The following PREX1 variants were observed in gnomAD, a reference collection of about 807,000 sequenced individuals.
The protein encoded by PREX1 is phosphatidylinositol 3,4,5-trisphosphate-dependent Rac exchanger 1 protein.
Under a neutral mutation model 198.3 loss-of-function variants are expected in PREX1, and 41 were observed. The ratio of observed to expected loss-of-function variants is 0.21; its 90% CI spans 0.16 to 0.27. PREX1 has a LOEUF of 0.27. Ranked by LOEUF, PREX1 falls within the 10% of genes least tolerant of loss-of-function variation. The pLI is 1.00. For synonymous variants in PREX1, 843 were observed against 887.2 expected, an observed-to-expected ratio of 0.95 and a Z score of 0.89; for missense variants, 1,620 against 2,200.7, an observed-to-expected ratio of 0.74 and a Z score of 5.28.
At chr20:48,817,334 C>G (rs1400630622) in intron 1 of PREX1, among the ~76,000 whole-genome samples, 1 of 152,192 alleles carries the variant, frequency 6.6e-6, no homozygotes, top group African/African-American at 2.4e-5. Context: ...AATTCAGTCA[C>G]TTATTTCAAG....
the PREX1 span, among the ~76,000 whole-genome samples, chr20:48,879,843 C>T: frequency 6.6e-6 from 1 of 152,202 alleles, no homozygotes; most frequent in Non-Finnish European, 1.5e-5. Flanking sequence ...AGAGCCTCTA[C>T]CCTTATTTCT....
At chr20:48,634,136 A>ATGGG (rs1226085591) in intron 33 of PREX1, among the ~76,000 whole-genome samples, 8,754 of 147,214 alleles carry the variant, frequency 0.059, 403 homozygotes, top group East Asian at 0.1. Flanking sequence ...GCATGGACAC[A>ATGGG]TGGGTGGGTG....
At chr20:48,675,391 A>G (rs1390124164) in intron 14 of PREX1, among the ~76,000 whole-genome samples, 2 of 152,252 alleles carry the variant, frequency 1.3e-5, no homozygotes, top group Admixed American at 6.5e-5. Flanking sequence ...ATTTTGTTAT[A>G]GCAGCACAAA....
At chr20:48,669,418 T>C (rs531504832) in intron 14 of PREX1, among the ~76,000 whole-genome samples, 3 of 152,164 alleles carry the variant, frequency 2.0e-5, no homozygotes, top group Admixed American at 2.0e-4. Context: ...AACTCACCCA[T>C]GTATACATTT....
Position 48,697,450 on chromosome 20 carries a change from A to G in PREX1, c.917+3303T>C, listed in dbSNP as rs1177639834. Among the ~76,000 whole-genome samples, 3 of 150,028 alleles carry G rather than the reference A, an allele frequency of 2.0e-5. No homozygotes were observed. The Admixed American group carries it at 2.0e-4, about 10-fold the overall frequency. The stretch of plus-strand genomic sequence containing the variant: ...GGCTGGAGTGCAGCGGTGCCACCTC[A>G]GCTCACTGCAACCTCCGCCTCCTGG... On this transcript the variant is annotated intron_variant, in intron 7 of 39. Coordinates refer to ENST00000371941, the MANE Select transcript of PREX1 (RefSeq NM_020820.4).
the PREX1 span, among the ~76,000 whole-genome samples, chr20:48,862,192 G>C: frequency 1.3e-5 from 2 of 152,076 alleles, no homozygotes; most frequent in Non-Finnish European, 2.9e-5. Context: ...CTGGGCGACA[G>C]AGCGAGACTC....
chr20:48,676,409 GC>G, intron 13 of PREX1, 141 bp from the exon 14 acceptor site: 1 of 742,014 alleles, frequency 1.3e-6, no homozygotes, highest in South Asian at 1.6e-5. Flanking sequence ...CCGAGTCTCA[GC>G]CCAGACTCCA....
intron 15 of PREX1, among the ~76,000 whole-genome samples, chr20:48,665,797 C>T (rs1283058060): frequency 6.6e-6 from 1 of 152,176 alleles, no homozygotes; most frequent in Non-Finnish European, 1.5e-5. Context: ...GAACTCACCC[C>T]CCAATACCTG....
At chr20:48,793,362 GCTT>G (rs1299296698) in intron 1 of PREX1, among the ~76,000 whole-genome samples, 1 of 152,192 alleles carries the variant, frequency 6.6e-6, no homozygotes, top group Non-Finnish European at 1.5e-5. Flanking sequence ...AGTTACACAA[GCTT>G]CTGAATATAC....
chr20:48,676,593 T>C (rs191791745), intron 13 of PREX1, among the ~76,000 whole-genome samples: 364 of 152,278 alleles, frequency 2.4e-3, no homozygotes, highest in Non-Finnish European at 4.3e-3. Flanking sequence ...GGAGACATTT[T>C]TGGCTGTCAA....
intron 30 of PREX1, among the ~76,000 whole-genome samples, chr20:48,638,664 A>G (rs2089384877): frequency 6.6e-6 from 1 of 151,708 alleles, no homozygotes. Context: ...TCACCACGCC[A>G]GGCAGCCAGG....
At position 48,658,105 on chromosome 20, in the gene PREX1, C is replaced by T. The variant is rs777093236; in HGVS notation, c.1974+31G>A. 34 of 1,596,462 alleles carry T rather than the reference C, an allele frequency of 2.1e-5. No homozygotes were observed. The Admixed American group carries it at 2.4e-4, about 11-fold the overall frequency. On this transcript the variant is annotated intron_variant, in intron 17 of 39. Transcript: ENST00000371941. Reference sequence around the variant, plus strand: ...GACACCCCGCTCTGCCACCTGCACACGGTCCCTGCCAGCTCCCCCGAGGGC... The same window carrying T: ...GACACCCCGCTCTGCCACCTGCACATGGTCCCTGCCAGCTCCCCCGAGGGC...
chr20:48,814,016 A>G (rs899716202), intron 1 of PREX1, among the ~76,000 whole-genome samples: 8 of 152,200 alleles, frequency 5.3e-5, no homozygotes, highest in Non-Finnish European at 8.8e-5. Context: ...GACCACCCAG[A>G]GCTCCCTGAC....
intron 1 of PREX1, among the ~76,000 whole-genome samples, chr20:48,785,267 G>A (rs1159680360): frequency 6.6e-6 from 1 of 152,218 alleles, no homozygotes; most frequent in Non-Finnish European, 1.5e-5. Flanking sequence ...TGATCTGCCT[G>A]TCAGCCTACT....
chr20:48,676,626 G>C (rs2089711270), intron 13 of PREX1, among the ~76,000 whole-genome samples: 1 of 152,186 alleles, frequency 6.6e-6, no homozygotes, highest in South Asian at 2.1e-4. Flanking sequence ...CTAGGGCAGG[G>C]GTGCTGCTGG....
chr20:48,692,184 C>T (rs1195707594), intron 8 of PREX1: 1 of 154,242 alleles, frequency 6.5e-6, no homozygotes, highest in Non-Finnish European at 1.4e-5. Context: ...GCCACCACAC[C>T]CAGCCGACCA....
the PREX1 span, among the ~76,000 whole-genome samples, chr20:48,878,424 C>T: frequency 6.6e-6 from 1 of 152,064 alleles, no homozygotes; most frequent in South Asian, 2.1e-4. Context: ...ACTGAAACCT[C>T]CACCTCCCTG....
intron 9 of PREX1, among the ~76,000 whole-genome samples, chr20:48,689,339 C>T (rs184469645): frequency 9.9e-5 from 15 of 152,082 alleles, no homozygotes; most frequent in East Asian, 1.9e-4. Flanking sequence ...CATGCCAGTA[C>T]GCCACATGAG....
intron 1 of PREX1, among the ~76,000 whole-genome samples, chr20:48,796,674 G>A (rs1021370164): frequency 9.3e-5 from 14 of 150,066 alleles, no homozygotes; most frequent in African/African-American, 3.2e-4. Flanking sequence ...TATATGTGTC[G>A]TACATCATAT....
Sources: allele counts gnomAD v4.1 joint callset (sites outside exome capture counted in the v4.1 genomes callset), GRCh38; gene constraint gnomAD v4.1.1; transcripts MANE v1.5; gene names NCBI Gene and HGNC (gene_info 2026-07-23, HGNC 2026-07-21).